The following DSCC1 variants were observed in gnomAD, a reference collection of about 807,000 sequenced individuals.
DSCC1 encodes DNA replication and sister chromatid cohesion 1.
Under a neutral mutation model 48.2 loss-of-function variants are expected in DSCC1, and 32 were observed. That is an observed-to-expected ratio of 0.66 (90% CI 0.50 to 0.89). The LOEUF (loss-of-function observed/expected upper bound fraction) is 0.89. DSCC1 is among the 40% of genes least tolerant of loss of function. The pLI, the probability that DSCC1 is intolerant of heterozygous loss-of-function variation, is 0.00. For missense variants in DSCC1, 421 were observed against 471.7 expected (o/e 0.89, Z 1.00); for synonymous variants, 150 against 171.5 (o/e 0.87, Z 0.98).
rs374895354 is a variant in DSCC1, at chr8:119,838,272, C to A, written c.1060G>T (p.Ala354Ser). 4 of 1,590,728 alleles carry A rather than the reference C, an allele frequency of 2.5e-6. No individual in the cohort carries two copies. Among genetic ancestry groups the A allele is most frequent in the East Asian group, 4.5e-5 (2 of 44,354 alleles). Residue 354 changes from alanine (A) to serine (S), a missense_variant, in exon 8 of 9, where the codon GCT becomes TCT. Ala to Ser is a moderately conservative substitution (Grantham distance 99). Around this residue, in one of 3 missense-constraint regions of DSCC1, gnomAD observed 238 missense variants for 259.0 expected, o/e 0.92. Coordinates refer to ENST00000313655, the MANE Select transcript of DSCC1 (RefSeq NM_024094.3). ...LREKWTEEDI[A>S]PYIQDLCGEK... ...TAAATTACTTACTGAATATATGGAG[C>A]AATATCTTCTTCTGTCCACTTCTCC...
chr8:119,846,920 A>T, intron 4 of DSCC1, 70 bp downstream of exon 4: 2 of 1,360,888 alleles, frequency 1.5e-6, no homozygotes, highest in Non-Finnish European at 2.1e-6. Flanking sequence ...TAGGGTGAAG[A>T]TGTCCAAAAA....
chr8:119,834,728 A>G lies in DSCC1; in HGVS notation c.*165T>C, dbSNP rs1349275825. 3 of 624,216 alleles carry G rather than the reference A, an allele frequency of 4.8e-6. No individual in the cohort carries two copies. Among genetic ancestry groups the G allele is most frequent in the Admixed American group, 3.0e-5 (1 of 32,852 alleles). The allele number at this position is 624,216 out of a possible 1,614,324, so 38.7% of individuals were successfully genotyped here. On this transcript the variant is annotated 3_prime_UTR_variant, in exon 9 of 9. Transcript: ENST00000313655. ...AAATATAATTTTAAAGCTACATCCTATAACATTTAAGAAATAACAGTAGTT... is the reference window on the plus strand; with the variant it reads ...AAATATAATTTTAAAGCTACATCCTGTAACATTTAAGAAATAACAGTAGTT...
rs1310334924 is a variant in DSCC1, at chr8:119,847,982, TTG to T, written c.487-904_487-903del. Among the ~76,000 whole-genome samples the T allele has an allele frequency of 0.011, 170 of 14,864 alleles. 1 individual carries two copies. The South Asian group carries it at 0.16, about 14-fold the overall frequency. The allele number at this position is 14,864 out of a possible 152,430, so 9.8% of individuals were successfully genotyped here. ...GCCTGGCCTCTTTTTGTTTTTGTTT[TTG>T]TTTTTTTTAAATACAGAGTCTCACT... On this transcript the variant is annotated intron_variant, in intron 3 of 8. Coordinates refer to ENST00000313655, the MANE Select transcript of DSCC1 (RefSeq NM_024094.3).
intron 6 of DSCC1, among the ~76,000 whole-genome samples, chr8:119,842,333 C>T (rs1385859644): frequency 6.6e-6 from 1 of 151,650 alleles, no homozygotes; most frequent in Non-Finnish European, 1.5e-5. Flanking sequence ...ACCTTGGCCT[C>T]CCAAAGTGCT....
chr8:119,850,503 G>C lies in DSCC1; in HGVS notation c.365C>G (p.Ser122Cys). 1 of 1,567,020 alleles carries C rather than the reference G, an allele frequency of 6.4e-7. No individual in the cohort carries two copies. Among genetic ancestry groups the C allele is most frequent in the Non-Finnish European group, 8.6e-7 (1 of 1,164,822 alleles). The change falls in exon 3 of 9, where the codon TCT becomes TGT. Residue 122 changes from serine (S) to cysteine (C), a missense_variant. Physicochemically the swap from Ser to Cys is moderately radical, Grantham distance 112 (BLOSUM62 -1). Around this residue, in one of 3 missense-constraint regions of DSCC1, gnomAD observed 174 missense variants for 184.5 expected, o/e 0.94. Transcript: ENST00000313655. ...TCTTCTTAATTCCCAATAATTATTAGAAAAACCAAAGATCTAGAAATTATA... is the reference window on the plus strand; with the variant it reads ...TCTTCTTAATTCCCAATAATTATTACAAAAACCAAAGATCTAGAAATTATA... ...NIIHTEIFGF[S>C]NNYWELRRRR...
At chr8:119,846,103 T>G (rs1028847326) in intron 4 of DSCC1, among the ~76,000 whole-genome samples, 131 of 148,546 alleles carry the variant, frequency 8.8e-4, no homozygotes, top group African/African-American at 3.1e-3. Flanking sequence ...GACTATTTGA[T>G]GTCTAAGGAC....
At position 119,850,365 on chromosome 8, in the gene DSCC1, G is replaced by A; in HGVS notation, c.486+17C>T. On this transcript the variant is annotated intron_variant, in intron 3 of 8. Coordinates refer to ENST00000313655, the MANE Select transcript of DSCC1 (RefSeq NM_024094.3). ...TAGTTGTTAAATTCCAAATAAAAAA[G>A]TGAAAATAAGTCTTACTTTTGAGCT... 6.5e-7 allele frequency: 1 copy of A among 1,547,466 alleles called. No individual in the cohort carries two copies.
At chr8:119,854,848 T>G (rs1422598212) in intron 1 of DSCC1, among the ~76,000 whole-genome samples, 1 of 152,184 alleles carries the variant, frequency 6.6e-6, no homozygotes, top group Non-Finnish European at 1.5e-5. Flanking sequence ...TCTAACACTC[T>G]TTGGTGGGCA....
intron 8 of DSCC1, 74 bp downstream of exon 8, chr8:119,838,185 C>T (rs1227419543): frequency 2.0e-5 from 29 of 1,441,968 alleles, no homozygotes; most frequent in Non-Finnish European, 2.6e-5. Flanking sequence ...GTGTTCCAAT[C>T]ATAAATCTAA....
At chr8:119,850,884 A>G (rs868010968) in intron 2 of DSCC1, among the ~76,000 whole-genome samples, 33 of 152,156 alleles carry the variant, frequency 2.2e-4, no homozygotes, top group Middle Eastern at 3.4e-3. Flanking sequence ...CAAACAAACA[A>G]AAAAACAAAA....
chr8:119,841,213 A>G (rs1199143903), intron 7 of DSCC1, among the ~76,000 whole-genome samples: 1 of 152,046 alleles, frequency 6.6e-6, no homozygotes, highest in Non-Finnish European at 1.5e-5. Context: ...GCTGGTCTTG[A>G]ACTCCTGACC....
chr8:119,837,971 G>A (rs1201851748), intron 8 of DSCC1, among the ~76,000 whole-genome samples: 1 of 152,192 alleles, frequency 6.6e-6, no homozygotes, highest in African/African-American at 2.4e-5. Context: ...TTGCCTTAGA[G>A]TCATAGTAGG....
Position 119,834,763 on chromosome 8 carries a change from T to C in DSCC1, c.*130A>G. ...AGAAATAACAGTAGTTTCAAAATGC[T>C]TAAGATGAGGAGAAAAATGCCTTAG... On this transcript the variant is annotated 3_prime_UTR_variant, in exon 9 of 9. Coordinates refer to ENST00000313655, the MANE Select transcript of DSCC1 (RefSeq NM_024094.3). The C allele has an allele frequency of 1.5e-6, 1 of 676,986 alleles. No individual in the cohort carries two copies. The highest frequency in any genetic ancestry group is 2.6e-6 in the Non-Finnish European group (1 of 379,824). 41.9% of individuals were successfully genotyped at this position (676,986 alleles called of 1,614,324 possible).
At chr8:119,838,556 C>T in intron 7 of DSCC1, 149 bp from the exon 8 acceptor site, 1 of 946,634 alleles carries the variant, frequency 1.1e-6, no homozygotes, top group Non-Finnish European at 1.4e-6. Flanking sequence ...TTACAATCGC[C>T]TTTTTCATAC....
chr8:119,848,955 C>A (rs962348498), intron 3 of DSCC1, among the ~76,000 whole-genome samples: 1 of 151,730 alleles, frequency 6.6e-6, no homozygotes, highest in African/African-American at 2.4e-5. Flanking sequence ...GAGGCCGAGG[C>A]GGGTGGATCA....
chr8:119,850,019 T>A (rs138038712), intron 3 of DSCC1, among the ~76,000 whole-genome samples: 2,137 of 152,236 alleles, frequency 0.014, 52 homozygotes, highest in African/African-American at 0.049. Context: ...TAAATAAATT[T>A]TTTACCTCTA....
At chr8:119,846,329 G>T (rs2131303735) in intron 4 of DSCC1, among the ~76,000 whole-genome samples, 1 of 152,176 alleles carries the variant, frequency 6.6e-6, no homozygotes, top group Non-Finnish European at 1.5e-5. Flanking sequence ...GGCCAGGCTG[G>T]TCTCAAACTC....
chr8:119,855,808 T>G lies in DSCC1; in HGVS notation c.-13A>C, dbSNP rs1422682984. The G allele has an allele frequency of 6.8e-7, 1 of 1,461,064 alleles. No individual in the cohort carries two copies. Among genetic ancestry groups the G allele is most frequent in the Non-Finnish European group, 9.0e-7 (1 of 1,107,514 alleles). 90.5% of individuals were successfully genotyped at this position (1,461,064 alleles called of 1,614,324 possible). On this transcript the variant is annotated 5_prime_UTR_variant, in exon 1 of 9. Coordinates refer to ENST00000313655, the MANE Select transcript of DSCC1 (RefSeq NM_024094.3). Reference sequence around the variant, plus strand: ...GGGTCCTCTTCATCGCAGCGCCGGGTCTAGGAGTCCCGCCGCGCCCGGGTG... The same window carrying G: ...GGGTCCTCTTCATCGCAGCGCCGGGGCTAGGAGTCCCGCCGCGCCCGGGTG...
At chr8:119,844,449 A>AG (rs1202636113) in intron 4 of DSCC1, among the ~76,000 whole-genome samples, 1 of 151,880 alleles carries the variant, frequency 6.6e-6, no homozygotes, top group African/African-American at 2.4e-5. Flanking sequence ...AAAAAAAAAA[A>AG]AAAAGTCTTC....
Sources: allele counts gnomAD v4.1 joint callset (sites outside exome capture counted in the v4.1 genomes callset), GRCh38; gene constraint gnomAD v4.1.1; regional missense constraint gnomAD v4.1.1; transcripts MANE v1.5; gene names NCBI Gene and HGNC (gene_info 2026-07-23, HGNC 2026-07-21).